Variants in NSD1 observed in about 807,000 individuals in gnomAD.
The protein encoded by NSD1 is nuclear receptor binding SET domain protein 1.
Under a neutral mutation model 242.7 loss-of-function variants are expected in NSD1, and 26 were observed. The observed-to-expected ratio is 0.11, with a 90% confidence interval of 0.08 to 0.15. NSD1 has a LOEUF of 0.15. NSD1 is among the 10% of genes least tolerant of loss of function. The probability of loss-of-function intolerance (pLI) is 1.00; values close to 1 mark genes in which losing one functional copy is unlikely to be tolerated. For missense variants in NSD1, 2,495 were observed against 3,272.8 expected, an observed-to-expected ratio of 0.76 and a Z score of 5.80; for synonymous variants, 1,106 against 1,178.1, an observed-to-expected ratio of 0.94 and a Z score of 1.25.
rs1762709730 is a variant in NSD1 at position 177,204,138 on chromosome 5, A to G, written c.1082A>G (p.Tyr361Cys). 6.2e-7 allele frequency: 1 copy of G among 1,614,056 alleles called. No individual in the cohort carries two copies. Among genetic ancestry groups the G allele is most frequent in the Non-Finnish European group, 8.5e-7 (1 of 1,179,972 alleles). The change falls in exon 4 of 23, where the codon TAT becomes TGT. Residue 361 changes from tyrosine to cysteine, a missense_variant. Coordinates refer to ENST00000439151, the MANE Select transcript of NSD1 (RefSeq NM_022455.5). Reference protein sequence around the residue: ...SKMKVSNRRPYRQYYVEAFGD... With the variant: ...SKMKVSNRRPCRQYYVEAFGD... ...TACCTAGTTTCCAACCGGAGGCCCT[A>G]TCGGCAGTACTACGTGGAGGCTTTT...
rs142544192 is a variant in NSD1 at position 177,210,228 on chromosome 5, A to G, written c.1829A>G (p.Gln610Arg). The change falls in exon 5 of 23, where the codon CAA becomes CGA. Residue 610 changes from glutamine to arginine, a missense_variant. Physicochemically the swap from Gln to Arg is conservative, Grantham distance 43. Around this residue, in one of 19 missense-constraint regions of NSD1, gnomAD observed 515 missense variants for 467.0 expected, o/e 1.10. Coordinates refer to ENST00000439151, the MANE Select transcript of NSD1 (RefSeq NM_022455.5). ...TGTTCTCGAGAGAAGAATAAACCCCAACGAAGCCTGGTGTGTGGTTCAAAA... is the reference window on the plus strand; with the variant it reads ...TGTTCTCGAGAGAAGAATAAACCCCGACGAAGCCTGGTGTGTGGTTCAAAA... Reference protein sequence around the residue: ...SKCSREKNKPQRSLVCGSKVK... With the variant: ...SKCSREKNKPRRSLVCGSKVK... The G allele has an allele frequency of 6.8e-5, 109 of 1,595,214 alleles. No homozygotes were observed. Among genetic ancestry groups the G allele is most frequent in the Non-Finnish European group, 1.4e-5 (16 of 1,171,536 alleles).
intron 14 of NSD1, chr5:177,266,507 C>G (rs373451975): frequency 2.9e-5 from 18 of 625,566 alleles, no homozygotes; most frequent in East Asian, 2.0e-4. Flanking sequence ...GACGTCATGC[C>G]CTCGACGTTC....
intron 2 of NSD1, among the ~76,000 whole-genome samples, chr5:177,183,720 CTT>C (rs988548890): frequency 3.3e-5 from 5 of 151,962 alleles, no homozygotes; most frequent in Admixed American, 3.3e-4. Flanking sequence ...TTATTTCTAA[CTT>C]TTTTTTGGAC....
At chr5:177,246,612 A>C (rs1766314636) in intron 9 of NSD1, 66 bp from the exon 10 acceptor site, 1 of 1,076,300 alleles carries the variant, frequency 9.3e-7, no homozygotes, top group Admixed American at 1.7e-5. Context: ...TATTCTAATA[A>C]TAGGATAAGA....
At chr5:177,148,872 G>A (rs766785746) in intron 2 of NSD1, among the ~76,000 whole-genome samples, 2 of 152,174 alleles carry the variant, frequency 1.3e-5, no homozygotes, top group Non-Finnish European at 2.9e-5. Flanking sequence ...AGGCTGAAGT[G>A]CAGTGGCACG....
intron 13 of NSD1, among the ~76,000 whole-genome samples, chr5:177,257,745 A>C (rs1052223321): frequency 2.0e-5 from 3 of 152,074 alleles, no homozygotes; most frequent in African/African-American, 7.2e-5. Context: ...GTAGTTTGAG[A>C]AAGTGTTCTG....
At position 177,240,485 on chromosome 5, in the gene NSD1, G is replaced by A. The variant is rs985636920; in HGVS notation, c.4302+620G>A. On this transcript the variant is annotated intron_variant, in intron 8 of 22. Coordinates refer to ENST00000439151, the MANE Select transcript of NSD1 (RefSeq NM_022455.5). ...TCCCAGCATTTTGGGAGGCTGAGGC[G>A]GGCGGATCACAAGGTCAGGATATCG... Among the ~76,000 whole-genome samples, 6 of 152,132 alleles carry A rather than the reference G, an allele frequency of 3.9e-5. No individual in the cohort carries two copies. The South Asian group carries it at 8.3e-4, about 21-fold the overall frequency.
At chr5:177,206,241 C>T (rs1321071930) in intron 4 of NSD1, among the ~76,000 whole-genome samples, 1 of 152,166 alleles carries the variant, frequency 6.6e-6, no homozygotes, top group Non-Finnish European at 1.5e-5. Context: ...CTCAAGTGAT[C>T]CATCTGCCTT....
rs547845610 is a variant in NSD1, at chr5:177,254,867, G to T, written c.4766-2084G>T. ...TATTTTTGGTTTTTTAAATTTGTGG[G>T]TTTTTTTCTCTTTTTCCTAGGAAAG... is the stretch of plus-strand genomic sequence containing the variant. On this transcript the variant is annotated intron_variant, in intron 12 of 22. Transcript: ENST00000439151. 2.6e-5 allele frequency among the ~76,000 whole-genome samples: 4 copies of T among 152,150 alleles called. No homozygotes were observed. In the East Asian group the frequency reaches 7.7e-4, roughly 29 times the overall value.
chr5:177,277,728 T>G (rs944236418), intron 17 of NSD1, among the ~76,000 whole-genome samples: 3 of 151,972 alleles, frequency 2.0e-5, no homozygotes, highest in Admixed American at 6.6e-5. Flanking sequence ...AAAAAAAAAT[T>G]TGGGGTGCCT....
chr5:177,141,657 C>T lies in NSD1; in HGVS notation c.927+5627C>T, dbSNP rs534569111. ...CCACTTCTCAAACAGTCCTTTTTTG[C>T]GTCCTTGTTCTCTTTTTCTTCCTCT... On this transcript the variant is annotated intron_variant, in intron 2 of 22. Transcript: ENST00000439151. Among the ~76,000 whole-genome samples the T allele has an allele frequency of 8.6e-5, 13 of 151,858 alleles. No homozygotes were observed. In the South Asian group the frequency reaches 2.3e-3, roughly 27 times the overall value.
Position 177,211,399 on chromosome 5 carries a change from C to T in NSD1, c.3000C>T (p.Ser1000=), listed in dbSNP as rs150854966. The part of the protein sequence containing the change: ...ELSASLPGLL[S]DKRDLPASGK... ...CTGCTTCCCTACCTGGCTTACTGTC[C>T]GACAAGAGAGACCTCCCTGCTTCTG... is the stretch of plus-strand genomic sequence containing the variant. The change falls in exon 5 of 23, where the codon TCC becomes TCT. Residue 1000 remains serine (S), a synonymous_variant. Transcript: ENST00000439151. 9.1e-5 allele frequency: 147 copies of T among 1,614,064 alleles called. No individual in the cohort carries two copies. The African/African-American group carries it at 1.8e-3, about 19-fold the overall frequency.
In NSD1 at chr5:177,135,907, A is replaced by G. The variant is rs766770297; in HGVS notation, c.804A>G (p.Glu268=). 3 of 1,612,270 alleles carry G rather than the reference A, an allele frequency of 1.9e-6. No homozygotes were observed. Among genetic ancestry groups the G allele is most frequent in the Admixed American group, 3.3e-5 (2 of 59,988 alleles). The change falls in exon 2 of 23, where the codon GAA becomes GAG. Residue 268 remains glutamate (E), a synonymous_variant. Coordinates refer to ENST00000439151, the MANE Select transcript of NSD1 (RefSeq NM_022455.5). ...TAGGAGACACAAACATTACAATAGA[A>G]GAGCAATTAAACTCAATAAATTTAT... The part of the protein sequence containing the change: ...FSLGDTNITI[E]EQLNSINLSF...
At chr5:177,239,982 G>C in intron 8 of NSD1, 117 bp downstream of exon 8, 1 of 668,722 alleles carries the variant, frequency 1.5e-6, no homozygotes. Flanking sequence ...ATTAGTGTGT[G>C]TGTCAGCAGT....
intron 7 of NSD1, among the ~76,000 whole-genome samples, chr5:177,239,071 A>T (rs1354391818): frequency 6.6e-6 from 1 of 152,224 alleles, no homozygotes; most frequent in African/African-American, 2.4e-5. Flanking sequence ...TTCACCTTGT[A>T]ACTATTGAAT....
At position 177,137,282 on chromosome 5, in the gene NSD1, G is replaced by A. The variant is rs568772434; in HGVS notation, c.927+1252G>A. The A allele has an allele frequency of 2.5e-3, 462 of 184,400 alleles. 3 individuals carry two copies. Among genetic ancestry groups the A allele is most frequent in the Non-Finnish European group, 3.5e-3 (315 of 90,078 alleles). The allele number at this position is 184,400 out of a possible 1,614,324, so 11.4% of individuals were successfully genotyped here. ...CCAAACACATTGTTTGGTCACCGCCGGTAATGTTAGCAAAGAGAATTTTTT... is the reference window on the plus strand; with the variant it reads ...CCAAACACATTGTTTGGTCACCGCCAGTAATGTTAGCAAAGAGAATTTTTT... On this transcript the variant is annotated intron_variant, in intron 2 of 22. Coordinates refer to ENST00000439151, the MANE Select transcript of NSD1 (RefSeq NM_022455.5).
rs1213680435 is a variant in NSD1, at chr5:177,150,545, C to T, written c.927+14515C>T. 2.0e-5 allele frequency among the ~76,000 whole-genome samples: 3 copies of T among 146,632 alleles called. No individual in the cohort carries two copies. In the South Asian group the frequency reaches 6.6e-4, roughly 32 times the overall value. ...AAAACACAAATTTTAGTGTTTTTTG[C>T]TGTTATTATTAATACTTCTAAAGTT... On this transcript the variant is annotated intron_variant, in intron 2 of 22. Transcript: ENST00000439151.
At chr5:177,268,371 A>G (rs1046340594) in intron 15 of NSD1, among the ~76,000 whole-genome samples, 3 of 150,954 alleles carry the variant, frequency 2.0e-5, no homozygotes, top group African/African-American at 7.3e-5. Flanking sequence ...AGATATACCT[A>G]ATGCTAAATG....
At chr5:177,187,040 A>T (rs1445625700) in intron 2 of NSD1, among the ~76,000 whole-genome samples, 1 of 151,164 alleles carries the variant, frequency 6.6e-6, no homozygotes, top group Non-Finnish European at 1.5e-5. Flanking sequence ...TGCAAAAAAC[A>T]TGGTCTTTAG....
Sources: gnomAD v4.1 joint callset for allele counts (sites outside exome capture counted in the v4.1 genomes callset) on GRCh38, gnomAD v4.1.1 for gene constraint, gnomAD v4.1.1 regional missense constraint, MANE v1.5 for transcripts, NCBI Gene and HGNC (gene_info 2026-07-23, HGNC 2026-07-21) for gene names.